Variants in NKD1 observed in about 807,000 individuals in gnomAD.
NKD1 encodes the protein protein naked cuticle homolog 1.
NKD1 carries 21 observed loss-of-function variants against 56.0 expected under a neutral mutation model. The observed-to-expected ratio is 0.38, with a 90% CI of 0.27 to 0.54. The LOEUF is 0.54. Among genes scored for constraint, NKD1 ranks in the 20% least tolerant of loss-of-function variants. The probability of loss-of-function intolerance (pLI) is 0.82; values close to 1 mark genes in which losing one functional copy is unlikely to be tolerated. For missense variants in NKD1, 578 were observed against 642.7 expected (o/e 0.90, Z 1.09); for synonymous variants, 263 against 265.7 (o/e 0.99, Z 0.10).
intron 3 of NKD1, among the ~76,000 whole-genome samples, chr16:50,561,833 G>A (rs1596706395): frequency 6.6e-6 from 1 of 152,292 alleles, no homozygotes. Context: ...ATTCACTGGG[G>A]GCCATCCACA....
chr16:50,560,823 C>CATCCATCTATCT (rs1555487408), intron 3 of NKD1, among the ~76,000 whole-genome samples: 3 of 148,546 alleles, frequency 2.0e-5, no homozygotes, highest in South Asian at 2.2e-4. Flanking sequence ...TACCCAAACC[C>CATCCATCTATCT]ATCTATCTAT....
At chr16:50,595,483 G>A (rs1961453208) in intron 3 of NKD1, among the ~76,000 whole-genome samples, 2 of 152,082 alleles carry the variant, frequency 1.3e-5, no homozygotes, top group African/African-American at 2.4e-5. Context: ...GGAAATGTGG[G>A]GCTCAGACAG....
At chr16:50,629,355 T>C (rs749736549) in intron 6 of NKD1, among the ~76,000 whole-genome samples, 14 of 152,170 alleles carry the variant, frequency 9.2e-5, no homozygotes, top group East Asian at 3.8e-4. Context: ...TACAATCACA[T>C]TGGGGGTTAG....
At chr16:50,575,480 C>A in intron 3 of NKD1, 1 of 399,820 alleles carries the variant, frequency 2.5e-6, no homozygotes, top group Non-Finnish European at 3.4e-6. Flanking sequence ...GATCTTGTGG[C>A]AATATTCCCC....
intron 3 of NKD1, among the ~76,000 whole-genome samples, chr16:50,560,419 A>C (rs779242469): frequency 1.2e-4 from 19 of 152,224 alleles, no homozygotes; most frequent in Non-Finnish European, 2.6e-4. Context: ...CTCTGGGCCA[A>C]GCACTGTTCA....
At chr16:50,625,781 A>G (rs2151279835) in intron 6 of NKD1, among the ~76,000 whole-genome samples, 1 of 152,346 alleles carries the variant, frequency 6.6e-6, no homozygotes, top group South Asian at 2.1e-4. Flanking sequence ...AAGAGAAGAC[A>G]GGGAGGGAAG....
At chr16:50,563,117 C>A (rs1960679041) in intron 3 of NKD1, among the ~76,000 whole-genome samples, 1 of 152,058 alleles carries the variant, frequency 6.6e-6, no homozygotes. Context: ...GAACCTGTGG[C>A]TTAGAATGTG....
chr16:50,607,439 C>G (rs1961737974), intron 3 of NKD1: 3 of 164,682 alleles, frequency 1.8e-5, no homozygotes, highest in Admixed American at 1.7e-4. Flanking sequence ...GTGACAGCTG[C>G]TGAGTTTGGG....
intron 3 of NKD1, among the ~76,000 whole-genome samples, chr16:50,593,988 A>G (rs888864576): frequency 2.0e-5 from 3 of 152,216 alleles, no homozygotes; most frequent in Admixed American, 2.0e-4. Flanking sequence ...GATGAGGGAC[A>G]AAGAGCTTCC....
Position 50,592,633 on chromosome 16 carries a change from G to A in NKD1, c.193-15661G>A, listed in dbSNP as rs1276021262. On this transcript the variant is annotated intron_variant, in intron 3 of 9. Transcript: ENST00000268459. ...GCCACAAGTAGTTGTCTCACAGAGCGCCAAAGGCTGCAAGGAGGATGCAGA... is the reference window on the plus strand; with the variant it reads ...GCCACAAGTAGTTGTCTCACAGAGCACCAAAGGCTGCAAGGAGGATGCAGA... Among the ~76,000 whole-genome samples, 8 of 152,324 alleles carry A rather than the reference G, an allele frequency of 5.3e-5. No homozygotes were observed. The South Asian group carries it at 1.0e-3, about 20-fold the overall frequency.
At position 50,553,552 on chromosome 16, in the gene NKD1, C is replaced by A. The variant is rs193028160; in HGVS notation, c.192+3997C>A. On this transcript the variant is annotated intron_variant, in intron 3 of 9. Transcript: ENST00000268459. ...TGGGTGATGAGATTGGAGGCTGGCC[C>A]AGCTGTTGCCCGAGTGCCAGATTCC... 4.5e-4 allele frequency: 68 copies of A among 152,296 alleles called. 1 individual carries two copies. The highest frequency in any genetic ancestry group is 1.6e-3 in the African/African-American group (66 of 41,534). The allele number at this position is 152,296 out of a possible 1,614,324, so 9.4% of individuals were successfully genotyped here. A position where few individuals can be genotyped will look rare whatever the true frequency, so the allele number is the denominator to read the frequency against.
intron 3 of NKD1, chr16:50,558,066 T>C (rs1960541995): frequency 6.6e-6 from 1 of 152,248 alleles, no homozygotes; most frequent in Non-Finnish European, 1.5e-5. Flanking sequence ...ATCACTGCCA[T>C]GTGGGAATAT....
chr16:50,586,876 C>G (rs1321106439), intron 3 of NKD1, among the ~76,000 whole-genome samples: 1 of 152,194 alleles, frequency 6.6e-6, no homozygotes, highest in Non-Finnish European at 1.5e-5. Flanking sequence ...GTCATTAGTC[C>G]TGCTCTGCCT....
At chr16:50,608,174 T>G (rs1321799433) in intron 3 of NKD1, 120 bp from the exon 4 acceptor site, 4 of 775,420 alleles carry the variant, frequency 5.2e-6, no homozygotes, top group African/African-American at 3.4e-5. Context: ...AGGATCTGCC[T>G]CAGTTGACCT....
At chr16:50,599,746 A>G (rs1961552984) in intron 3 of NKD1, among the ~76,000 whole-genome samples, 1 of 152,134 alleles carries the variant, frequency 6.6e-6, no homozygotes, top group Non-Finnish European at 1.5e-5. Context: ...GGTCAGACAA[A>G]CAGCAAAGTC....
At chr16:50,586,305 TG>T (rs949150628) in intron 3 of NKD1, among the ~76,000 whole-genome samples, 2 of 149,938 alleles carry the variant, frequency 1.3e-5, no homozygotes, top group East Asian at 3.9e-4. Flanking sequence ...GGTGAGTGGA[TG>T]GGGGACTTCT....
Position 50,648,565 on chromosome 16 carries a change from T to C in NKD1, c.*14784T>C, listed in dbSNP as rs1432443207. The C allele has an allele frequency of 6.6e-6, 1 of 152,194 alleles. No individual in the cohort carries two copies. Among genetic ancestry groups the C allele is most frequent in the African/African-American group, 2.4e-5 (1 of 41,426 alleles). The allele number at this position is 152,194 out of a possible 1,614,324, so 9.4% of individuals were successfully genotyped here. A position where few individuals can be genotyped will look rare whatever the true frequency, so the allele number is the denominator to read the frequency against. ...TTGTGATACTGACACATCCCCCCTT[T>C]CAGAACACCCTCTGCCCTTGGATTC... On this transcript the variant is annotated 3_prime_UTR_variant, in exon 10 of 10. Transcript: ENST00000268459.
chr16:50,579,254 C>T (rs1280250204), intron 3 of NKD1, among the ~76,000 whole-genome samples: 1 of 148,996 alleles, frequency 6.7e-6, no homozygotes, highest in East Asian at 2.0e-4. Flanking sequence ...TGCGGGCTAC[C>T]CGCTACACAC....
Position 50,644,089 on chromosome 16 carries a change from G to T in NKD1, c.*10308G>T, listed in dbSNP as rs1007363050. 3 of 152,250 alleles carry T rather than the reference G, an allele frequency of 2.0e-5. No homozygotes were observed. The highest frequency in any genetic ancestry group is 6.5e-5 in the Admixed American group (1 of 15,282). The allele number at this position is 152,250 out of a possible 1,614,324, so 9.4% of individuals were successfully genotyped here. The stretch of plus-strand genomic sequence containing the variant: ...CGACCTCAGTTGAGAACATGTTGTC[G>T]GGCCACTCAGACTTTTCACTGCTCT... On this transcript the variant is annotated 3_prime_UTR_variant, in exon 10 of 10. Coordinates refer to ENST00000268459, the MANE Select transcript of NKD1 (RefSeq NM_033119.5).
Sources: gnomAD v4.1 joint callset for allele counts (sites outside exome capture counted in the v4.1 genomes callset) on GRCh38, gnomAD v4.1.1 for gene constraint, MANE v1.5 for transcripts, NCBI Gene and HGNC (gene_info 2026-07-23, HGNC 2026-07-21) for gene names.